Variants in ELFN2 observed in about 807,000 individuals in gnomAD.
ELFN2 encodes extracellular leucine rich repeat and fibronectin type III domain containing 2.
A neutral mutation model predicts 45.5 loss-of-function variants in ELFN2; 17 were observed. That is an observed-to-expected ratio of 0.37 (90% CI 0.26 to 0.56). The LOEUF is 0.56. Among genes scored for constraint, ELFN2 ranks in the 20% least tolerant of loss-of-function variants. ELFN2 has a pLI of 0.77. For synonymous variants in ELFN2, 550 were observed against 551.5 expected (o/e 1.00, Z 0.04); for missense variants, 922 against 1,183.2 (o/e 0.78, Z 3.24).
chr22:37,415,513 G>C (rs1245526889), intron 2 of ELFN2, among the ~76,000 whole-genome samples: 1 of 152,220 alleles, frequency 6.6e-6, no homozygotes, highest in African/African-American at 2.4e-5. Context: ...CCTGTCAGAA[G>C]GCTCTCTGCC....
chr22:37,383,404 T>C (rs1417635148), intron 2 of ELFN2, among the ~76,000 whole-genome samples: 1 of 152,234 alleles, frequency 6.6e-6, no homozygotes, highest in Admixed American at 6.5e-5. Context: ...TCTGAGGTGC[T>C]GGGTGTTCGT....
chr22:37,355,257 C>T (rs989800157), intron 1 of ELFN2, among the ~76,000 whole-genome samples: 3 of 152,240 alleles, frequency 2.0e-5, no homozygotes, highest in African/African-American at 7.2e-5. Flanking sequence ...TGCTGCCTGG[C>T]AGGGAGCAGG....
downstream of ELFN2, among the ~76,000 whole-genome samples, chr22:37,365,339 CTG>C (rs1931180193): frequency 2.0e-5 from 3 of 152,158 alleles, no homozygotes; most frequent in South Asian, 6.2e-4. Flanking sequence ...AAGGAAGTTC[CTG>C]GCCCAGTAGC....
chr22:37,422,120 C>T (rs1199466510), intron 1 of ELFN2, among the ~76,000 whole-genome samples: 1 of 152,142 alleles, frequency 6.6e-6, no homozygotes, highest in Non-Finnish European at 1.5e-5. Flanking sequence ...TTTCATGCAT[C>T]CTTAGGCGCC....
intron 2 of ELFN2, among the ~76,000 whole-genome samples, chr22:37,382,847 C>G (rs1931827819): frequency 6.6e-6 from 1 of 152,172 alleles, no homozygotes; most frequent in African/African-American, 2.4e-5. Context: ...CCGTACCTGG[C>G]CCTGATTCCC....
chr22:37,409,847 T>C (rs1932601899), intron 2 of ELFN2, among the ~76,000 whole-genome samples: 1 of 151,890 alleles, frequency 6.6e-6, no homozygotes. Flanking sequence ...GGAGAATCCC[T>C]CCTGGGTAAG....
At chr22:37,390,920 G>A (rs769895699) in intron 2 of ELFN2, among the ~76,000 whole-genome samples, 1 of 152,194 alleles carries the variant, frequency 6.6e-6, no homozygotes, top group Non-Finnish European at 1.5e-5. Flanking sequence ...AGAGAAGGAT[G>A]TACAACAGGA....
rs1931252632 is a variant in ELFN2 at position 37,368,259 on chromosome 22, A to T, written c.*4813T>A. On this transcript the variant is annotated 3_prime_UTR_variant, in exon 3 of 3. Transcript: ENST00000402918. ...CAAACCAGGTGCCCAACCACAGCCA[A>T]CTTGGGGACTGGCGGCTCCTGAGGA... 1 of 151,542 alleles carries T rather than the reference A, an allele frequency of 6.6e-6. No individual in the cohort carries two copies. Among genetic ancestry groups the T allele is most frequent in the African/African-American group, 2.4e-5 (1 of 41,336 alleles). 9.4% of individuals were successfully genotyped at this position (151,542 alleles called of 1,614,324 possible). A position where few individuals can be genotyped will look rare whatever the true frequency, so the allele number is the denominator to read the frequency against.
chr22:37,405,087 A>C (rs1601765021), intron 2 of ELFN2, among the ~76,000 whole-genome samples: 1 of 89,304 alleles, frequency 1.1e-5, no homozygotes, highest in Non-Finnish European at 2.4e-5. Context: ...CCTGAACCTC[A>C]GCATTTTTTT....
At position 37,415,254 on chromosome 22, in the gene ELFN2, G is replaced by A. The variant is rs567381627; in HGVS notation, c.-463+2515C>T. ...AGACAGGACAGTCTTCCCCTGACTC[G>A]GTTATTCTCAGGGCACCACCAGCCA... is the stretch of plus-strand genomic sequence containing the variant. On this transcript the variant is annotated intron_variant, in intron 2 of 2. Coordinates refer to ENST00000402918, the MANE Select transcript of ELFN2 (RefSeq NM_052906.5). 3.2e-4 allele frequency among the ~76,000 whole-genome samples: 49 copies of A among 152,324 alleles called. 1 individual carries two copies. The highest frequency in any genetic ancestry group is 1.1e-3 in the Admixed American group (17 of 15,310).
rs1484540361 is a variant in ELFN2 at position 37,417,510 on chromosome 22, C to G, written c.-463+259G>C. 6.6e-6 allele frequency among the ~76,000 whole-genome samples: 1 copy of G among 152,218 alleles called. No individual in the cohort carries two copies. The highest frequency in any genetic ancestry group is 1.5e-5 in the Non-Finnish European group (1 of 68,034). The stretch of plus-strand genomic sequence containing the variant: ...GCAGGAGCTGGGGTCCTTGAGCCAA[C>G]AGGGGCTTCCTGCCCACCCTCCCCA... On this transcript the variant is annotated intron_variant, in intron 2 of 2. Transcript: ENST00000402918. The surrounding 1 kb of genome is among the most constrained non-coding windows in gnomAD (Gnocchi z 4.5).
At chr22:37,386,644 A>G (rs1931954500) in intron 2 of ELFN2, among the ~76,000 whole-genome samples, 1 of 152,196 alleles carries the variant, frequency 6.6e-6, no homozygotes, top group African/African-American at 2.4e-5. Context: ...CTGCAGCAGC[A>G]GAGAACAAGG....
At chr22:37,358,093 C>G (rs1930993386) in intron 1 of ELFN2, among the ~76,000 whole-genome samples, 1 of 152,188 alleles carries the variant, frequency 6.6e-6, no homozygotes, top group African/African-American at 2.4e-5. Flanking sequence ...CATATTCACC[C>G]TGGACTGACC....
rs1187237830 is a variant in ELFN2 at position 37,350,636 on chromosome 22, G to C, written n.149-7933C>G. Among the ~76,000 whole-genome samples the C allele has an allele frequency of 1.3e-5, 2 of 150,392 alleles. 1 individual carries two copies. The highest frequency in any genetic ancestry group is 3.0e-5 in the Non-Finnish European group (2 of 66,982). ...GAGGCTGAGAGCGTGTGTGACCCCA[G>C]AGCCCCCAGTACTGTCATTAGCGCT... is the stretch of plus-strand genomic sequence containing the variant. On this transcript the variant is annotated intron_variant and non_coding_transcript_variant, in intron 1 of 2. Coordinates refer to ENST00000452946, the Ensembl canonical transcript of ELFN2.
At chr22:37,409,375 G>A (rs1222101470) in intron 2 of ELFN2, among the ~76,000 whole-genome samples, 14 of 152,304 alleles carry the variant, frequency 9.2e-5, no homozygotes, top group East Asian at 5.8e-4. Context: ...AGGGAACAGC[G>A]TGGTCTCCCG....
At chr22:37,356,941 C>A (rs4821643) in intron 1 of ELFN2, among the ~76,000 whole-genome samples, 1 of 152,022 alleles carries the variant, frequency 6.6e-6, no homozygotes, top group African/African-American at 2.4e-5. Flanking sequence ...TTGTTATCAG[C>A]GAGGAATAGG....
intron 2 of ELFN2, among the ~76,000 whole-genome samples, chr22:37,385,710 G>T (rs1184339543): frequency 6.6e-6 from 1 of 152,150 alleles, no homozygotes; most frequent in Non-Finnish European, 1.5e-5. Flanking sequence ...CTCAGCCTGG[G>T]ACCCAAGGGT....
At chr22:37,344,420 C>T (rs898590897) in intron 1 of ELFN2, among the ~76,000 whole-genome samples, 3 of 151,980 alleles carry the variant, frequency 2.0e-5, no homozygotes, top group Non-Finnish European at 2.9e-5. Context: ...CCCAGCATCG[C>T]CGGCTCTCAG....
chr22:37,413,730 T>A (rs1389038635), intron 2 of ELFN2, among the ~76,000 whole-genome samples: 1 of 152,202 alleles, frequency 6.6e-6, no homozygotes, highest in Non-Finnish European at 1.5e-5. Flanking sequence ...ACACAGTAGT[T>A]AGGTAATATG....
Sources: allele counts gnomAD v4.1 joint callset (sites outside exome capture counted in the v4.1 genomes callset), GRCh38; gene constraint gnomAD v4.1.1; non-coding constraint Gnocchi (gnomAD v3.1); transcripts MANE v1.5; gene names NCBI Gene and HGNC (gene_info 2026-07-23, HGNC 2026-07-21).